Variants in MRPS27 observed in about 807,000 individuals in gnomAD.
MRPS27 encodes the protein small ribosomal subunit protein mS27.
In MRPS27, 43 loss-of-function variants were observed where a neutral mutation model predicts 48.9. That is an observed-to-expected ratio of 0.88 (90% CI 0.69 to 1.13). The LOEUF is 1.13. MRPS27 is among the 50% of genes most tolerant of loss of function. The probability of loss-of-function intolerance (pLI) is 0.00; values close to 1 mark genes in which losing one functional copy is unlikely to be tolerated. For missense variants in MRPS27, 467 were observed against 476.3 expected, an observed-to-expected ratio of 0.98 and a Z score of 0.18; for synonymous variants, 188 against 171.9, an observed-to-expected ratio of 1.09 and a Z score of -0.73.
rs769700586 is a variant in MRPS27 at position 72,320,196 on chromosome 5, C to T, written c.26G>A (p.Gly9Glu). ...AACCACTTGCCGCGCCAGGAGCATC[C>T]CGCGCCGCACTATGGAGGCAGCCAT... MAASIVRR[G>E]MLLARQVVLP... Residue 9 changes from glycine (G) to glutamate (E), a missense_variant, in exon 1 of 11, where the codon GGG becomes GAG. Gly to Glu is a moderately conservative substitution (Grantham distance 98). Transcript: ENST00000261413. 1 of 1,613,974 alleles carries T rather than the reference C, an allele frequency of 6.2e-7. No homozygotes were observed. Among genetic ancestry groups the T allele is most frequent in the South Asian group, 1.1e-5 (1 of 91,074 alleles).
chr5:72,288,003 T>G (rs1231129431), intron 4 of MRPS27, among the ~76,000 whole-genome samples: 1 of 152,208 alleles, frequency 6.6e-6, no homozygotes, highest in Non-Finnish European at 1.5e-5. Flanking sequence ...GACTGGAGTC[T>G]GCAGAGGTAC....
At chr5:72,281,149 T>C (rs1053937760) in intron 4 of MRPS27, among the ~76,000 whole-genome samples, 8 of 152,156 alleles carry the variant, frequency 5.3e-5, no homozygotes, top group African/African-American at 1.7e-4. Context: ...GAGAGAAGTA[T>C]GGGAAATAAA....
intron 3 of MRPS27, among the ~76,000 whole-genome samples, chr5:72,295,930 A>G (rs961315079): frequency 2.0e-5 from 3 of 152,126 alleles, no homozygotes; most frequent in Non-Finnish European, 4.4e-5. Flanking sequence ...TTAAACCCTG[A>G]TATTATTTTC....
At chr5:72,287,540 G>C (rs1399017448) in intron 4 of MRPS27, among the ~76,000 whole-genome samples, 2 of 152,234 alleles carry the variant, frequency 1.3e-5, no homozygotes, top group East Asian at 1.9e-4. Context: ...TTGGGAGGCT[G>C]AGGCAGGAGA....
chr5:72,268,919 G>C (rs1398516674), intron 4 of MRPS27, among the ~76,000 whole-genome samples: 1 of 152,184 alleles, frequency 6.6e-6, no homozygotes, highest in Non-Finnish European at 1.5e-5. Context: ...TCTGAAGGCA[G>C]GGGGTTAGTG....
chr5:72,261,257 A>C (rs1451912786), intron 4 of MRPS27, among the ~76,000 whole-genome samples: 1 of 151,806 alleles, frequency 6.6e-6, no homozygotes, highest in Non-Finnish European at 1.5e-5. Flanking sequence ...GTATGTATGT[A>C]TGTATGTATG....
chr5:72,261,084 G>A (rs970693783), intron 4 of MRPS27, among the ~76,000 whole-genome samples: 1 of 152,048 alleles, frequency 6.6e-6, no homozygotes, highest in Non-Finnish European at 1.5e-5. Context: ...GACTGGTCTC[G>A]AACTCCTGGC....
chr5:72,293,104 TAA>T (rs1749874141), intron 4 of MRPS27, among the ~76,000 whole-genome samples: 1 of 152,168 alleles, frequency 6.6e-6, no homozygotes, highest in Non-Finnish European at 1.5e-5. Context: ...CAAGAGTTTA[TAA>T]CTTGTAATTT....
chr5:72,294,690 G>C (rs1749931202), intron 4 of MRPS27: 1 of 152,066 alleles, frequency 6.6e-6, no homozygotes, highest in Non-Finnish European at 1.5e-5. Context: ...GTTAGCAGCT[G>C]TGAGAAAGAG....
In MRPS27 at chr5:72,228,680, C is replaced by G. The variant is rs1747964682; in HGVS notation, c.592-312G>C. The G allele has an allele frequency of 2.7e-5, 6 of 223,392 alleles. No homozygotes were observed. In the South Asian group the frequency reaches 9.6e-4, roughly 36 times the overall value. 13.8% of individuals were successfully genotyped at this position (223,392 alleles called of 1,614,324 possible). On this transcript the variant is annotated intron_variant, in intron 7 of 10. Coordinates refer to ENST00000261413, the MANE Select transcript of MRPS27 (RefSeq NM_015084.3). The stretch of plus-strand genomic sequence containing the variant: ...AATGAATAAGCGTTTCTTTTACAAT[C>G]AGAAAAGCAAAACAAAACACAAATA...
At chr5:72,264,821 T>C (rs1207469634) in intron 4 of MRPS27, among the ~76,000 whole-genome samples, 1 of 152,214 alleles carries the variant, frequency 6.6e-6, no homozygotes, top group Non-Finnish European at 1.5e-5. Flanking sequence ...TAGCCAGAAC[T>C]ATGAAAGAAT....
At chr5:72,245,204 G>C (rs1258576280) in intron 4 of MRPS27, among the ~76,000 whole-genome samples, 1 of 152,162 alleles carries the variant, frequency 6.6e-6, no homozygotes, top group East Asian at 1.9e-4. Flanking sequence ...TCACAGGTCA[G>C]CTTCATGACT....
intron 4 of MRPS27, among the ~76,000 whole-genome samples, chr5:72,281,253 T>C (rs1234717803): frequency 1.3e-5 from 2 of 152,222 alleles, no homozygotes; most frequent in Non-Finnish European, 2.9e-5. Flanking sequence ...AAGACTGTTC[T>C]AAGGGCATTA....
intron 4 of MRPS27, among the ~76,000 whole-genome samples, chr5:72,293,075 G>C (rs145699505): frequency 1.3e-5 from 2 of 152,248 alleles, no homozygotes; most frequent in Admixed American, 1.3e-4. Context: ...CCCTGATTTT[G>C]ATTACTTGAG....
chr5:72,279,678 TAAAAC>T (rs1293291876), intron 4 of MRPS27, among the ~76,000 whole-genome samples: 2 of 151,228 alleles, frequency 1.3e-5, no homozygotes, highest in East Asian at 1.9e-4. Context: ...CAAAACAAAA[TAAAAC>T]AAAAACAAAA....
chr5:72,300,888 C>T (rs1750109215), intron 2 of MRPS27, among the ~76,000 whole-genome samples: 3 of 152,272 alleles, frequency 2.0e-5, no homozygotes, highest in South Asian at 4.1e-4. Flanking sequence ...CTGTCTCTTA[C>T]ACTAAAAATA....
intron 2 of MRPS27, among the ~76,000 whole-genome samples, chr5:72,298,724 C>CAAAAAAAAAAAA (rs4042799): frequency 2.5e-5 from 3 of 121,514 alleles, no homozygotes; most frequent in Non-Finnish European, 1.6e-5. Context: ...AAAAAAAAAA[C>CAAAAAAAAAAAA]AAAAAAAAAA....
chr5:72,294,121 A>C (rs1273969809), intron 4 of MRPS27, among the ~76,000 whole-genome samples: 1 of 151,966 alleles, frequency 6.6e-6, no homozygotes, highest in Admixed American at 6.5e-5. Context: ...AAGGTGTGGA[A>C]TCTAGCCTAC....
intron 2 of MRPS27, among the ~76,000 whole-genome samples, chr5:72,312,122 C>T (rs753278196): frequency 3.9e-5 from 6 of 152,152 alleles, no homozygotes; most frequent in Non-Finnish European, 8.8e-5. Flanking sequence ...ATAGATAGTA[C>T]AGACTCTGTC....
Sources: allele counts gnomAD v4.1 joint callset (sites outside exome capture counted in the v4.1 genomes callset), GRCh38; gene constraint gnomAD v4.1.1; transcripts MANE v1.5; gene names NCBI Gene and HGNC (gene_info 2026-07-23, HGNC 2026-07-21).